The following DGKB variants were observed in gnomAD, a reference collection of about 807,000 sequenced individuals.
DGKB encodes the protein 90 kDa diacylglycerol kinase.
DGKB carries 67 observed loss-of-function variants against 114.3 expected under a neutral mutation model. The observed-to-expected ratio is 0.59, with a 90% CI of 0.48 to 0.72. DGKB has a LOEUF of 0.72. Among genes scored for constraint, DGKB ranks in the 30% least tolerant of loss-of-function variants. The pLI, the probability that DGKB is intolerant of heterozygous loss-of-function variation, is 0.00. For missense variants in DGKB, 907 were observed against 975.2 expected (o/e 0.93, Z 0.93); for synonymous variants, 398 against 323.1 (o/e 1.23, Z -2.49).
At chr7:14,567,248 TTA>T (rs1797592371) in intron 20 of DGKB, among the ~76,000 whole-genome samples, 1 of 48,168 alleles carries the variant, frequency 2.1e-5, no homozygotes, top group African/African-American at 8.8e-5. Flanking sequence ...ATTATATATA[TTA>T]TATATTTATA....
chr7:14,192,053 G>A (rs1784392020), intron 23 of DGKB: 2 of 455,310 alleles, frequency 4.4e-6, no homozygotes, highest in Admixed American at 2.4e-5. Context: ...CTATGAGACA[G>A]ATAGTCGCTG....
intron 2 of DGKB, among the ~76,000 whole-genome samples, chr7:14,814,412 C>T (rs1053685697): frequency 2.6e-5 from 4 of 152,110 alleles, no homozygotes; most frequent in Admixed American, 6.6e-5. Context: ...GCCTACATTA[C>T]CTCTCCCTTC....
At chr7:14,694,729 A>G (rs968596242) in intron 8 of DGKB, among the ~76,000 whole-genome samples, 2 of 121,036 alleles carry the variant, frequency 1.7e-5, no homozygotes, top group Non-Finnish European at 3.8e-5. Flanking sequence ...TGTTCTCTGC[A>G]GTGTTTGTTT....
rs1781536425 is a variant in DGKB at position 14,146,898 on chromosome 7, T to C, written c.*2233A>G. The C allele has an allele frequency of 6.6e-6, 1 of 152,178 alleles. No individual in the cohort carries two copies. Among genetic ancestry groups the C allele is most frequent in the South Asian group, 2.1e-4 (1 of 4,834 alleles). The allele number at this position is 152,178 out of a possible 1,614,324, so 9.4% of individuals were successfully genotyped here. The stretch of plus-strand genomic sequence containing the variant: ...GTTTAATTTGTCTCATCCCACTGTC[T>C]ATCCAACAGCTTTCTACTGTACAGA... On this transcript the variant is annotated 3_prime_UTR_variant, in exon 26 of 26. Transcript: ENST00000402815.
chr7:14,903,931 A>G (rs780544553), upstream of DGKB, among the ~76,000 whole-genome samples: 18 of 152,068 alleles, frequency 1.2e-4, no homozygotes, highest in African/African-American at 1.7e-4. Flanking sequence ...AATATTCTCA[A>G]TGATTTCAAT....
intron 1 of DGKB, among the ~76,000 whole-genome samples, chr7:14,927,760 T>C (rs754937396): frequency 6.6e-6 from 1 of 151,988 alleles, no homozygotes; most frequent in Non-Finnish European, 1.5e-5. Context: ...CTCAGGATCA[T>C]CAAAAGAATA....
At chr7:14,671,365 T>C (rs908936932) in intron 13 of DGKB, among the ~76,000 whole-genome samples, 29 of 151,962 alleles carry the variant, frequency 1.9e-4, no homozygotes, top group African/African-American at 6.5e-4. Context: ...CGCTTCAGAG[T>C]AGATAGTACC....
intron 23 of DGKB, among the ~76,000 whole-genome samples, chr7:14,258,690 A>ATCAAG (rs1796295559): frequency 6.6e-6 from 1 of 152,220 alleles, no homozygotes; most frequent in African/African-American, 2.4e-5. Flanking sequence ...CATAAGCACA[A>ATCAAG]TCAAGTCTAT....
At position 14,640,255 on chromosome 7, in the gene DGKB, T is replaced by A. The variant is rs539194948; in HGVS notation, c.1135-9987A>T. On this transcript the variant is annotated intron_variant, in intron 13 of 25. Transcript: ENST00000402815. ...TATTAAAGATCTGTGACAAATGCCA[T>A]GAAAGGAGAAAAATGTGGAATTCCA... Among the ~76,000 whole-genome samples the A allele has an allele frequency of 3.9e-5, 6 of 152,122 alleles. No individual in the cohort carries two copies. The South Asian group carries it at 6.2e-4, about 16-fold the overall frequency.
chr7:14,649,249 G>A (rs1813869600), intron 13 of DGKB, among the ~76,000 whole-genome samples: 1 of 151,214 alleles, frequency 6.6e-6, no homozygotes, highest in Admixed American at 6.6e-5. Flanking sequence ...CAGAGAGAAA[G>A]GTCGGGTTCC....
intron 14 of DGKB, among the ~76,000 whole-genome samples, chr7:14,626,192 A>G (rs1452885237): frequency 6.6e-6 from 1 of 152,186 alleles, no homozygotes; most frequent in Non-Finnish European, 1.5e-5. Flanking sequence ...TTACCACAAT[A>G]CTTAAGCCTG....
At chr7:14,739,664 G>A (rs1216994178) in intron 4 of DGKB, among the ~76,000 whole-genome samples, 1 of 152,040 alleles carries the variant, frequency 6.6e-6, no homozygotes, top group Admixed American at 6.5e-5. Flanking sequence ...AGTAAAATGC[G>A]AACCCAAGAA....
At chr7:14,848,235 T>G (rs113441599) in intron 1 of DGKB, among the ~76,000 whole-genome samples, 15 of 152,268 alleles carry the variant, frequency 9.9e-5, no homozygotes, top group African/African-American at 3.4e-4. Context: ...TCAAGACATA[T>G]TTTTGAAGTA....
chr7:14,613,564 TGC>T (rs1206281781), intron 15 of DGKB, among the ~76,000 whole-genome samples, 151 bp from the exon 16 acceptor site: 4 of 133,138 alleles, frequency 3.0e-5, no homozygotes, highest in East Asian at 7.8e-4. Flanking sequence ...TGTGAGTGTG[TGC>T]GTGTGTGTGC....
chr7:14,955,693 A>G (rs1199505991), intron 1 of DGKB, among the ~76,000 whole-genome samples: 1 of 152,062 alleles, frequency 6.6e-6, no homozygotes, highest in Non-Finnish European at 1.5e-5. Context: ...CACAAAAGAA[A>G]CAGGAAAGCA....
chr7:14,527,167 T>C (rs1790785118), intron 20 of DGKB, among the ~76,000 whole-genome samples: 1 of 152,152 alleles, frequency 6.6e-6, no homozygotes, highest in South Asian at 2.1e-4. Flanking sequence ...TTAAGTGTTA[T>C]GCCTATAATT....
chr7:14,175,567 A>G (rs542511268), intron 25 of DGKB, among the ~76,000 whole-genome samples: 5 of 152,268 alleles, frequency 3.3e-5, no homozygotes, highest in African/African-American at 7.2e-5. Context: ...GGATAGACCA[A>G]TCTCTCAGTT....
intron 1 of DGKB, among the ~76,000 whole-genome samples, chr7:14,877,550 T>C (rs1282043720): frequency 6.6e-6 from 1 of 152,114 alleles, no homozygotes; most frequent in Non-Finnish European, 1.5e-5. Context: ...AGCGAAACTT[T>C]GTCTCAAAAA....
At chr7:14,672,866 G>T in intron 13 of DGKB, 63 bp downstream of exon 13, 1 of 935,160 alleles carries the variant, frequency 1.1e-6, no homozygotes, top group African/African-American at 1.7e-5. Flanking sequence ...GCTTTTAATG[G>T]TATACGATAC....
Sources: gnomAD v4.1 joint callset for allele counts (sites outside exome capture counted in the v4.1 genomes callset) on GRCh38, gnomAD v4.1.1 for gene constraint, MANE v1.5 for transcripts, NCBI Gene and HGNC (gene_info 2026-07-23, HGNC 2026-07-21) for gene names.